The following TUBGCP5 variants were observed in gnomAD, a reference collection of about 807,000 sequenced individuals.
TUBGCP5 encodes the protein gamma-tubulin complex component 5.
A neutral mutation model predicts 134.7 loss-of-function variants in TUBGCP5; 98 were observed. The observed-to-expected ratio is 0.73, with a 90% CI of 0.62 to 0.86. The LOEUF (loss-of-function observed/expected upper bound fraction) is 0.86, where lower values mean the gene tolerates loss of function less well. TUBGCP5 is among the 40% of genes least tolerant of loss of function. The pLI, the probability that TUBGCP5 is intolerant of heterozygous loss-of-function variation, is 0.00. For synonymous variants in TUBGCP5, 456 were observed against 431.4 expected (o/e 1.06, Z -0.71); for missense variants, 1,150 against 1,244.8 (o/e 0.92, Z 1.15).
intron 22 of TUBGCP5, chr15:23,000,223 T>TA (rs546367266): frequency 3.2e-5 from 38 of 1,181,142 alleles, no homozygotes; most frequent in Middle Eastern, 3.4e-4. Context: ...TTTAAATTCC[T>TA]AAAAAAATTT....
intron 23 of TUBGCP5, among the ~76,000 whole-genome samples, chr15:22,987,586 T>G (rs1223238271): frequency 6.6e-6 from 1 of 151,762 alleles, no homozygotes; most frequent in Non-Finnish European, 1.5e-5. Context: ...GAGTGGGATT[T>G]GTGCCCTTAT....
At chr15:23,003,185 G>A in intron 20 of TUBGCP5, 32 bp from the exon 21 acceptor site, 1 of 1,604,924 alleles carries the variant, frequency 6.2e-7, no homozygotes, top group Non-Finnish European at 8.5e-7. Flanking sequence ...CACAAACTGT[G>A]TAACTAGGTT....
At chr15:23,029,108 G>A (rs2066146681) in intron 6 of TUBGCP5, among the ~76,000 whole-genome samples, 1 of 152,020 alleles carries the variant, frequency 6.6e-6, no homozygotes, top group Non-Finnish European at 1.5e-5. Context: ...TCTAGTAAAA[G>A]ATAAAAAATT....
chr15:22,991,018 A>G (rs1486643837), intron 23 of TUBGCP5, among the ~76,000 whole-genome samples: 1 of 152,200 alleles, frequency 6.6e-6, no homozygotes, highest in Non-Finnish European at 1.5e-5. Context: ...GAGAATGAAT[A>G]TCTGTTGTTT....
Position 23,011,336 on chromosome 15 carries a change from A to G in TUBGCP5, c.1757-5T>C. 1 of 1,606,372 alleles carries G rather than the reference A, an allele frequency of 6.2e-7. No individual in the cohort carries two copies. Among genetic ancestry groups the G allele is most frequent in the South Asian group, 1.1e-5 (1 of 90,002 alleles). Reference sequence around the variant, plus strand: ...ATAAACTTTTTCTTTCTGCATCTGAAACATAAAGAAATATGTAAGGTGAAC... The same window carrying G: ...ATAAACTTTTTCTTTCTGCATCTGAGACATAAAGAAATATGTAAGGTGAAC... On this transcript the variant is annotated splice_region_variant and splice_polypyrimidine_tract_variant and intron_variant, in intron 13 of 22. Transcript: ENST00000615383.
At chr15:23,019,362 T>A in intron 11 of TUBGCP5, 28 bp from the exon 12 acceptor site, 1 of 1,501,042 alleles carries the variant, frequency 6.7e-7, no homozygotes, top group Non-Finnish European at 9.2e-7. Flanking sequence ...CACGGTCAGC[T>A]CTCAGGGTTC....
intron 6 of TUBGCP5, 85 bp from the exon 7 acceptor site, chr15:23,027,391 G>T: frequency 9.2e-7 from 1 of 1,085,200 alleles, no homozygotes; most frequent in Non-Finnish European, 1.4e-6. Flanking sequence ...CCATTCAAAC[G>T]TATAGTTGAA....
chr15:23,017,740 A>G (rs1464922468), intron 13 of TUBGCP5, 33 bp downstream of exon 13: 1 of 1,597,348 alleles, frequency 6.3e-7, no homozygotes, highest in Non-Finnish European at 8.5e-7. Context: ...GTGTCCCAAC[A>G]CCAAGAGAGA....
In TUBGCP5 at chr15:22,993,525, G is replaced by GTTTTTTTT. The variant is rs71414252; in HGVS notation, c.*61+3312_*61+3319dup. Among the ~76,000 whole-genome samples the GTTTTTTTT allele has an allele frequency of 1.1e-3, 73 of 69,268 alleles. 7 individuals carry two copies. The highest frequency in any genetic ancestry group is 3.0e-3 in the African/African-American group (51 of 16,738). The allele number at this position is 69,268 out of a possible 152,430, so 45.4% of individuals were successfully genotyped here. Reference sequence around the variant, plus strand: ...TAATCCTCCCACCTCAGCCCCCGAAGTTTTTTTTTTTTTTTTTTTTTTTTT... The same window carrying GTTTTTTTT: ...TAATCCTCCCACCTCAGCCCCCGAAGTTTTTTTTTTTTTTTTTTTTTTTTTTTTTTTTT... On this transcript the variant is annotated intron_variant and NMD_transcript_variant, in intron 23 of 23. Coordinates refer to the TUBGCP5 transcript ENST00000614508.
rs1346770933 is a variant in TUBGCP5, at chr15:23,000,416, A to G, written c.3028+153T>C. ...CACCTCACCGTAATGCTTAAAAAGCAATTCAAAGCATGGGACAACTGCTAA... is the reference window on the plus strand; with the variant it reads ...CACCTCACCGTAATGCTTAAAAAGCGATTCAAAGCATGGGACAACTGCTAA... On this transcript the variant is annotated intron_variant, in intron 22 of 22. Coordinates refer to ENST00000615383, the MANE Select transcript of TUBGCP5 (RefSeq NM_052903.6). The G allele has an allele frequency of 4.2e-6, 6 of 1,413,660 alleles. No individual in the cohort carries two copies. The African/African-American group carries it at 8.7e-5, about 20-fold the overall frequency. 87.6% of individuals were successfully genotyped at this position (1,413,660 alleles called of 1,614,324 possible). A position where few individuals can be genotyped will look rare whatever the true frequency, so the allele number is the denominator to read the frequency against.
rs758841789 is a variant in TUBGCP5, at chr15:23,010,092, C to G, written c.1997G>C (p.Gly666Ala). The part of the protein sequence containing the change: ...EQSDFHEKFA[G>A]GDVCVDRSSE... The stretch of plus-strand genomic sequence containing the variant: ...TGATCTATCCACACATACATCACCA[C>G]CAGCAAACTTCTCGTGAAAGTCACT... The change falls in exon 15 of 23, where the codon GGT becomes GCT. Residue 666 changes from glycine (G) to alanine (A), a missense_variant. By Grantham distance (60) the Gly-to-Ala change is moderately conservative. Coordinates refer to ENST00000615383, the MANE Select transcript of TUBGCP5 (RefSeq NM_052903.6). 1 of 1,613,998 alleles carries G rather than the reference C, an allele frequency of 6.2e-7. No homozygotes were observed. The highest frequency in any genetic ancestry group is 8.5e-7 in the Non-Finnish European group (1 of 1,179,938).
At chr15:22,996,711 C>T (rs547214963), downstream of TUBGCP5, 1 of 152,388 alleles carries the variant, frequency 6.6e-6, no homozygotes, top group South Asian at 2.1e-4. Flanking sequence ...GGGTCTCAAA[C>T]TCCTGGCCTC....
intron 3 of TUBGCP5, among the ~76,000 whole-genome samples, chr15:23,033,353 C>T (rs2066418224): frequency 6.6e-6 from 1 of 151,972 alleles, no homozygotes; most frequent in Non-Finnish European, 1.5e-5. Context: ...TCTCAGCTCA[C>T]CGCAACCTCA....
chr15:23,026,986 GT>G (rs2066018173), intron 7 of TUBGCP5, among the ~76,000 whole-genome samples: 1 of 152,064 alleles, frequency 6.6e-6, no homozygotes, highest in African/African-American at 2.4e-5. Flanking sequence ...GTTGAGTGAG[GT>G]CTAGACTGCA....
rs2066023640 is a variant in TUBGCP5, at chr15:23,027,085, A to G, written c.737+107T>C. 2.2e-6 allele frequency: 2 copies of G among 894,942 alleles called. 1 individual carries two copies. Among genetic ancestry groups the G allele is most frequent in the Admixed American group, 5.5e-5 (2 of 36,574 alleles). The allele number at this position is 894,942 out of a possible 1,614,324, so 55.4% of individuals were successfully genotyped here. ...AAAAAAAAAGAATTGTCAAAACAAA[A>G]ACAAGTTTAAATTTCAGGGAAGAAC... On this transcript the variant is annotated intron_variant, in intron 7 of 22. Coordinates refer to ENST00000615383, the MANE Select transcript of TUBGCP5 (RefSeq NM_052903.6).
chr15:23,029,943 C>T (rs2066213447), intron 6 of TUBGCP5, among the ~76,000 whole-genome samples: 1 of 152,092 alleles, frequency 6.6e-6, no homozygotes, highest in Admixed American at 6.6e-5. Flanking sequence ...ATCTGTAATC[C>T]CAGCACTTTG....
In TUBGCP5 at chr15:23,017,949, A is replaced by AT. The variant is rs774387025; in HGVS notation, c.1579dup (p.Met527AsnfsTer3). 2.5e-6 allele frequency: 4 copies of AT among 1,613,924 alleles called. No homozygotes were observed. Among genetic ancestry groups the AT allele is most frequent in the Admixed American group, 3.3e-5 (2 of 59,992 alleles). On this transcript the variant is annotated frameshift_variant, in exon 13 of 23. Transcript: ENST00000615383. LOFTEE classifies it high-confidence loss of function. ...GGAACTCGCACTAGCGTTATCACTC[A>AT]TTTTTTCTTCATTTTCTGTCTTTTC... is the stretch of plus-strand genomic sequence containing the variant.
Position 23,006,134 on chromosome 15 carries a change from A to G in TUBGCP5, c.2451T>C (p.Cys817=), listed in dbSNP as rs199831135. 12 of 1,611,660 alleles carry G rather than the reference A, an allele frequency of 7.4e-6. No homozygotes were observed. Among genetic ancestry groups the G allele is most frequent in the Non-Finnish European group, 1.0e-5 (12 of 1,179,526 alleles). Residue 817 remains cysteine, a synonymous_variant, in exon 18 of 23, where the codon TGT becomes TGC. Transcript: ENST00000615383. ...WPVDIVISLE[C]QKIYNQVFLL... is the part of the protein sequence containing the mutation. ...GAAACACTTGATTATAAATTTTTTG[A>G]CATTCCAAACTTATAACAATGTCCA...
intron 12 of TUBGCP5, among the ~76,000 whole-genome samples, chr15:23,018,466 C>A (rs1567135427): frequency 6.6e-6 from 1 of 152,088 alleles, no homozygotes. Context: ...CTATTTTTCA[C>A]AAAAATTCTC....
Sources: gnomAD v4.1 joint callset for allele counts (sites outside exome capture counted in the v4.1 genomes callset) on GRCh38, gnomAD v4.1.1 for gene constraint, MANE v1.5 for transcripts, NCBI Gene and HGNC (gene_info 2026-07-23, HGNC 2026-07-21) for gene names.